The following RBM4 variants were observed in gnomAD, a reference collection of about 807,000 sequenced individuals.
RBM4 encodes RNA binding motif protein 4.
A neutral mutation model predicts 29.5 loss-of-function variants in RBM4; 7 were observed. The observed-to-expected ratio is 0.24, with a 90% CI of 0.14 to 0.45. The LOEUF (loss-of-function observed/expected upper bound fraction) is 0.45. Ranked by LOEUF, RBM4 falls within the 20% of genes least tolerant of loss-of-function variation. RBM4 has a pLI of 1.00. For missense variants in RBM4, 387 were observed against 502.3 expected (o/e 0.77, Z 2.19); for synonymous variants, 220 against 205.4 (o/e 1.07, Z -0.61).
chr11:66,662,300 TC>T (rs1939098523), intron 2 of RBM4, among the ~76,000 whole-genome samples: 1 of 152,314 alleles, frequency 6.6e-6, no homozygotes, highest in Admixed American at 6.5e-5. Context: ...ATGGAACACT[TC>T]CATCACTGCC....
chr11:66,662,324 G>A (rs1280811061), intron 2 of RBM4, among the ~76,000 whole-genome samples: 3 of 152,106 alleles, frequency 2.0e-5, no homozygotes. Context: ...GAGTGTTATT[G>A]GGCAGTGATG....
chr11:66,656,346 TGGCCAGG>T (rs1379368163), intron 2 of RBM4, among the ~76,000 whole-genome samples: 1 of 152,164 alleles, frequency 6.6e-6, no homozygotes. Context: ...TTCACTGTGT[TGGCCAGG>T]ATGGTCTCGA....
At chr11:66,649,782 G>A, downstream of RBM4, 1 of 701,464 alleles carries the variant, frequency 1.4e-6, no homozygotes, top group Non-Finnish European at 2.6e-6. Flanking sequence ...CATGATTGTA[G>A]CTCACTGTAA....
chr11:66,665,904 A>T (rs1302712111), exon 3 of RBM4: 1 of 1,535,510 alleles, frequency 6.5e-7, no homozygotes, highest in East Asian at 2.4e-5. Flanking sequence ...AACAAAGGGC[A>T]TACATACATT....
chr11:66,666,214 C>T lies in RBM4; in HGVS notation c.*249C>T, dbSNP rs986504775. ...TCATTCCTAGAATTCTCTAATCCTT[C>T]TATTGATGATGGGAACTCCAGACAC... is the stretch of plus-strand genomic sequence containing the variant. On this transcript the variant is annotated 3_prime_UTR_variant, in exon 3 of 3. Transcript: ENST00000396053. 10 of 870,004 alleles carry T rather than the reference C, an allele frequency of 1.1e-5. No individual in the cohort carries two copies. In the African/African-American group the frequency reaches 1.8e-4, roughly 15 times the overall value. 53.9% of individuals were successfully genotyped at this position (870,004 alleles called of 1,614,324 possible).
rs1015658562 is a variant in RBM4 at position 66,646,111 on chromosome 11, C to T, written c.*93C>T. 5.2e-6 allele frequency: 8 copies of T among 1,534,864 alleles called. No homozygotes were observed. The African/African-American group carries it at 5.5e-5, about 11-fold the overall frequency. On this transcript the variant is annotated 3_prime_UTR_variant, in exon 4 of 4. Coordinates refer to ENST00000310092, the MANE Select transcript of RBM4 (RefSeq NM_002896.4). ...TGGTACCCCATCTCCGGGACGTTCT[C>T]GGCTCTGTGCGTTCAGTCCCTCAGG...
chr11:66,659,473 A>T (rs543587710), intron 2 of RBM4, among the ~76,000 whole-genome samples: 95 of 151,022 alleles, frequency 6.3e-4, no homozygotes, highest in African/African-American at 2.0e-3. Context: ...TAGAGACGGG[A>T]TTTCACCATA....
At chr11:66,638,990 C>T (rs545790776) in intron 1 of RBM4, 3 of 152,172 alleles carry the variant, frequency 2.0e-5, no homozygotes, top group Non-Finnish European at 2.9e-5. Flanking sequence ...CTCTTGGAGC[C>T]TCGAGATTTC....
chr11:66,642,913 A>G (rs1190219203), intron 2 of RBM4, among the ~76,000 whole-genome samples: 2 of 152,190 alleles, frequency 1.3e-5, no homozygotes, highest in Non-Finnish European at 2.9e-5. Context: ...CCAGAGATGT[A>G]CCTTGAGATT....
At position 66,643,983 on chromosome 11, in the gene RBM4, GC is replaced by G; in HGVS notation, c.950del (p.Pro317GlnfsTer51). On this transcript the variant is annotated frameshift_variant, in exon 3 of 4. Coordinates refer to ENST00000310092, the MANE Select transcript of RBM4 (RefSeq NM_002896.4). LOFTEE classifies it high-confidence loss of function. This position sits in a 1 kb window ranked among gnomAD's most constrained non-coding sequence, Gnocchi z 6.1. The stretch of plus-strand genomic sequence containing the variant: ...TCGGAGCCCCCTGCGTCGCGCTACA[GC>G]CCCAGTCCCCACTGTTGGAGAGGGC... ...RDRSPLRRAT[A>X]PVPTVGEGYG... 1.2e-6 allele frequency: 2 copies of G among 1,613,304 alleles called. No individual in the cohort carries two copies. Among genetic ancestry groups the G allele is most frequent in the Non-Finnish European group, 8.5e-7 (1 of 1,180,024 alleles).
downstream of RBM4, among the ~76,000 whole-genome samples, chr11:66,647,245 C>A (rs960064208): frequency 2.6e-5 from 4 of 152,190 alleles, no homozygotes; most frequent in Non-Finnish European, 4.4e-5. Context: ...ATACTGAGCA[C>A]CTACTGTATG....
At chr11:66,653,696 C>G (rs1938881819) in intron 2 of RBM4, among the ~76,000 whole-genome samples, 1 of 152,096 alleles carries the variant, frequency 6.6e-6, no homozygotes, top group East Asian at 1.9e-4. Context: ...ATACAGTATA[C>G]ATATAACACA....
At position 66,646,259 on chromosome 11, in the gene RBM4, C is replaced by G; in HGVS notation, c.*241C>G. ...ACTTCTGTAGCTTCCCATTCATGTT[C>G]TCTTCTCCCAGCAGGCCTCATTGTG... is the stretch of plus-strand genomic sequence containing the variant. On this transcript the variant is annotated 3_prime_UTR_variant, in exon 4 of 4. Coordinates refer to ENST00000310092, the MANE Select transcript of RBM4 (RefSeq NM_002896.4). 9.2e-6 allele frequency: 13 copies of G among 1,409,374 alleles called. No homozygotes were observed. Among genetic ancestry groups the G allele is most frequent in the Non-Finnish European group, 1.2e-5 (13 of 1,081,246 alleles). The allele number at this position is 1,409,374 out of a possible 1,614,324, so 87.3% of individuals were successfully genotyped here.
At chr11:66,660,370 T>TG (rs1939051358) in intron 2 of RBM4, among the ~76,000 whole-genome samples, 3 of 149,430 alleles carry the variant, frequency 2.0e-5, no homozygotes, top group African/African-American at 7.4e-5. Context: ...TTTTTTTTTT[T>TG]GAGACAGAGT....
At chr11:66,642,506 C>T (rs1938511532) in intron 2 of RBM4, among the ~76,000 whole-genome samples, 1 of 152,052 alleles carries the variant, frequency 6.6e-6, no homozygotes, top group African/African-American at 2.4e-5. Context: ...TTTTCATTTC[C>T]AGAATGCAAA....
intron 2 of RBM4, among the ~76,000 whole-genome samples, chr11:66,655,247 A>G (rs1938923132): frequency 6.6e-6 from 1 of 151,658 alleles, no homozygotes; most frequent in South Asian, 2.1e-4. Context: ...TGGCCTCCCA[A>G]AGTGTTGAGA....
intron 2 of RBM4, among the ~76,000 whole-genome samples, chr11:66,662,790 T>C (rs1394398972): frequency 6.6e-6 from 1 of 152,232 alleles, no homozygotes; most frequent in African/African-American, 2.4e-5. Context: ...GCAAATTTTT[T>C]TTCTTGGCTC....
At chr11:66,664,965 G>A (rs544779581) in intron 2 of RBM4, 2 of 152,366 alleles carry the variant, frequency 1.3e-5, no homozygotes, top group African/African-American at 2.4e-5. Context: ...CTTAAGAACT[G>A]GGAGAGAATA....
chr11:66,657,108 C>CTTTTTTTGTTTT (rs1938964697), intron 2 of RBM4, among the ~76,000 whole-genome samples: 1 of 93,438 alleles, frequency 1.1e-5, no homozygotes, highest in African/African-American at 4.6e-5. Flanking sequence ...ATTTTTTAGT[C>CTTTTTTTGTTTT]TTTTTTTTTT....
Sources: allele counts gnomAD v4.1 joint callset (sites outside exome capture counted in the v4.1 genomes callset), GRCh38; gene constraint gnomAD v4.1.1; non-coding constraint Gnocchi (gnomAD v3.1); transcripts MANE v1.5; gene names NCBI Gene and HGNC (gene_info 2026-07-23, HGNC 2026-07-21).